The following DTD1 variants were observed in gnomAD, a reference collection of about 807,000 sequenced individuals.
DTD1 encodes the protein D-aminoacyl-tRNA deacylase 1, also known as D-tyrosyl-tRNA deacylase 1 homolog.
DTD1 carries 13 observed loss-of-function variants against 25.6 expected under a neutral mutation model. The ratio of observed to expected loss-of-function variants is 0.51; its 90% CI spans 0.33 to 0.81. The LOEUF (loss-of-function observed/expected upper bound fraction) is 0.81, where lower values mean the gene tolerates loss of function less well. Ranked by LOEUF, DTD1 falls within the 30% of genes least tolerant of loss-of-function variation. The pLI is 0.02. For missense variants in DTD1, 193 were observed against 266.4 expected, an observed-to-expected ratio of 0.72 and a Z score of 1.92; for synonymous variants, 110 against 103.6, an observed-to-expected ratio of 1.06 and a Z score of -0.37.
chr20:18,662,268 C>T (rs2060914408), intron 4 of DTD1, among the ~76,000 whole-genome samples: 1 of 152,098 alleles, frequency 6.6e-6, no homozygotes, highest in South Asian at 2.1e-4. Flanking sequence ...ATAATACTAG[C>T]AATTTTTGTT....
At chr20:18,715,622 A>T (rs548692243) in intron 4 of DTD1, among the ~76,000 whole-genome samples, 8 of 152,334 alleles carry the variant, frequency 5.3e-5, no homozygotes, top group African/African-American at 1.7e-4. Context: ...GGGGTAAGAG[A>T]TGGAAACCAT....
chr20:18,649,013 A>AAAAAAAG, intron 4 of DTD1, among the ~76,000 whole-genome samples: 1 of 150,314 alleles, frequency 6.7e-6, no homozygotes, highest in Non-Finnish European at 1.5e-5. Flanking sequence ...AAAAAAAAAA[A>AAAAAAAG]AAAAAAGCAA....
intron 4 of DTD1, among the ~76,000 whole-genome samples, chr20:18,700,493 C>CTTTT (rs11481533): frequency 6.9e-6 from 1 of 145,262 alleles, no homozygotes; most frequent in Admixed American, 6.9e-5. Context: ...TAGTGGTGAC[C>CTTTT]TTTTTTTTTT....
chr20:18,703,698 A>G (rs575697976), intron 4 of DTD1, among the ~76,000 whole-genome samples: 3 of 146,792 alleles, frequency 2.0e-5, no homozygotes, highest in African/African-American at 5.1e-5. Context: ...CTCATTTTTT[A>G]TCATAATTTC....
chr20:18,704,042 C>T (rs890601722), intron 4 of DTD1, among the ~76,000 whole-genome samples: 1 of 151,202 alleles, frequency 6.6e-6, no homozygotes, highest in Non-Finnish European at 1.5e-5. Context: ...GCTCTGTCAC[C>T]TAGGCTAGAG....
At chr20:18,696,841 A>G (rs983769530) in intron 4 of DTD1, among the ~76,000 whole-genome samples, 1 of 150,754 alleles carries the variant, frequency 6.6e-6, no homozygotes, top group Non-Finnish European at 1.5e-5. Flanking sequence ...GGCGTGAGCC[A>G]CTGCCCCTGG....
intron 4 of DTD1, among the ~76,000 whole-genome samples, chr20:18,717,268 C>G (rs1489713095): frequency 6.6e-6 from 1 of 152,176 alleles, no homozygotes; most frequent in Non-Finnish European, 1.5e-5. Flanking sequence ...ATAGTAGTAA[C>G]AGGAAGTGGC....
chr20:18,683,930 T>C (rs889856049), intron 4 of DTD1, among the ~76,000 whole-genome samples: 55 of 152,172 alleles, frequency 3.6e-4, no homozygotes, highest in Non-Finnish European at 6.3e-4. Context: ...ATGGTTTTTT[T>C]CCCCCTCTAC....
At chr20:18,684,274 A>C (rs1249200537) in intron 4 of DTD1, among the ~76,000 whole-genome samples, 1 of 151,788 alleles carries the variant, frequency 6.6e-6, no homozygotes, top group African/African-American at 2.4e-5. Flanking sequence ...GCTCACCTCC[A>C]GCAGTTCACC....
chr20:18,679,203 G>C (rs1246869003), intron 4 of DTD1, among the ~76,000 whole-genome samples: 1 of 152,218 alleles, frequency 6.6e-6, no homozygotes, highest in Non-Finnish European at 1.5e-5. Context: ...GAAAAGGCCT[G>C]TTGGCCTGAC....
rs372530358 is a variant in DTD1 at position 18,759,523 on chromosome 20, A to G, written c.*20-3837A>G. Reference sequence around the variant, plus strand: ...TAGTTTGGCTGGATATGAAATTCTGAGTTGAAAATTCTTTTCTTTAAGAAT... The same window carrying G: ...TAGTTTGGCTGGATATGAAATTCTGGGTTGAAAATTCTTTTCTTTAAGAAT... On this transcript the variant is annotated intron_variant, in intron 5 of 5. Transcript: ENST00000377452. Among the ~76,000 whole-genome samples, 11 of 152,248 alleles carry G rather than the reference A, an allele frequency of 7.2e-5. No individual in the cohort carries two copies. In the East Asian group the frequency reaches 1.4e-3, roughly 19 times the overall value.
chr20:18,658,367 C>T (rs1238755522), intron 4 of DTD1, among the ~76,000 whole-genome samples: 1 of 151,852 alleles, frequency 6.6e-6, no homozygotes, highest in Admixed American at 6.6e-5. Context: ...GCTCTGTCGC[C>T]CATGCTGGAG....
intron 1 of DTD1, among the ~76,000 whole-genome samples, 170 bp from the exon 2 acceptor site, chr20:18,593,561 T>C (rs2060598812): frequency 6.6e-6 from 1 of 152,244 alleles, no homozygotes; most frequent in Non-Finnish European, 1.5e-5. Flanking sequence ...GGAATTATTA[T>C]CATCTCACTG....
chr20:18,615,465 G>A (rs1016268393), intron 3 of DTD1, among the ~76,000 whole-genome samples: 2 of 152,182 alleles, frequency 1.3e-5, no homozygotes, highest in Admixed American at 1.3e-4. Context: ...GCCCTTCAGG[G>A]ATCTCCAGCC....
At chr20:18,676,007 ACT>A (rs2060972319) in intron 4 of DTD1, among the ~76,000 whole-genome samples, 1 of 152,120 alleles carries the variant, frequency 6.6e-6, no homozygotes, top group African/African-American at 2.4e-5. Flanking sequence ...ATGGCAGCCT[ACT>A]ATTCTGCCAT....
intron 5 of DTD1, among the ~76,000 whole-genome samples, chr20:18,754,269 T>C (rs1209113874): frequency 6.6e-6 from 1 of 152,242 alleles, no homozygotes; most frequent in African/African-American, 2.4e-5. Flanking sequence ...TCACTGGAGA[T>C]GTTCCTCACT....
At chr20:18,760,554 TTGG>T (rs2061357416) in intron 5 of DTD1, among the ~76,000 whole-genome samples, 2 of 152,266 alleles carry the variant, frequency 1.3e-5, no homozygotes, top group South Asian at 4.1e-4. Context: ...ACAGTGGATA[TTGG>T]TGAACAGCAA....
chr20:18,675,888 A>AATATACCTATGTGTATGTTTACAC (rs2060971562), intron 4 of DTD1, among the ~76,000 whole-genome samples: 1 of 151,232 alleles, frequency 6.6e-6, no homozygotes, highest in African/African-American at 2.4e-5. Flanking sequence ...GTATTTACGA[A>AATATACCTATGTGTATGTTTACAC]ATGGGATCAC....
At chr20:18,593,872 C>A in intron 2 of DTD1, 51 bp downstream of exon 2, 1 of 1,466,154 alleles carries the variant, frequency 6.8e-7, no homozygotes, top group South Asian at 1.2e-5. Context: ...TGGTGGTGGT[C>A]ATGCTGGGAA....
Sources: allele counts gnomAD v4.1 joint callset (sites outside exome capture counted in the v4.1 genomes callset), GRCh38; gene constraint gnomAD v4.1.1; transcripts MANE v1.5; gene names NCBI Gene and HGNC (gene_info 2026-07-23, HGNC 2026-07-21).